Variants in KHDRBS2 observed in about 807,000 individuals in gnomAD.
The protein encoded by KHDRBS2 is KH RNA binding domain containing, signal transduction associated 2.
A neutral mutation model predicts 44.3 loss-of-function variants in KHDRBS2; 26 were observed. The observed-to-expected ratio is 0.59, with a 90% confidence interval of 0.43 to 0.81. The LOEUF (loss-of-function observed/expected upper bound fraction) is 0.81, where lower values mean the gene tolerates loss of function less well. Among genes scored for constraint, KHDRBS2 ranks in the 40% least tolerant of loss-of-function variants. The pLI is 0.00. For missense variants in KHDRBS2, 476 were observed against 433.1 expected, an observed-to-expected ratio of 1.10 and a Z score of -0.88; for synonymous variants, 194 against 151.1, an observed-to-expected ratio of 1.28 and a Z score of -2.08.
chr6:61,964,462 T>A (rs149415103), intron 4 of KHDRBS2, among the ~76,000 whole-genome samples: 7 of 152,150 alleles, frequency 4.6e-5, no homozygotes, highest in Admixed American at 2.6e-4. Flanking sequence ...GCAAATAGCA[T>A]ATTCACTGTC....
chr6:62,229,847 G>T (rs2150158290), intron 1 of KHDRBS2, among the ~76,000 whole-genome samples: 1 of 152,322 alleles, frequency 6.6e-6, no homozygotes, highest in Non-Finnish European at 1.5e-5. Flanking sequence ...CCTGATGACA[G>T]AATCTGGATA....
chr6:61,669,446 T>G, the KHDRBS2 span, among the ~76,000 whole-genome samples: 1 of 150,856 alleles, frequency 6.6e-6, no homozygotes, highest in Non-Finnish European at 1.5e-5. Flanking sequence ...ATAAATATAA[T>G]GATGATTTCT....
chr6:61,811,763 G>A (rs562280053), intron 6 of KHDRBS2, among the ~76,000 whole-genome samples: 118 of 151,906 alleles, frequency 7.8e-4, no homozygotes, highest in African/African-American at 2.7e-3. Context: ...CATTTTTATA[G>A]TTGGCTTTTA....
At chr6:62,031,031 A>T (rs1421791888) in intron 3 of KHDRBS2, among the ~76,000 whole-genome samples, 1 of 152,172 alleles carries the variant, frequency 6.6e-6, no homozygotes, top group East Asian at 1.9e-4. Flanking sequence ...AAAAAAGCAT[A>T]GACAAGTCAA....
intron 6 of KHDRBS2, among the ~76,000 whole-genome samples, chr6:61,776,395 G>A (rs966803101): frequency 1.3e-5 from 2 of 152,170 alleles, no homozygotes; most frequent in Admixed American, 6.5e-5. Flanking sequence ...CTACTCATCT[G>A]ACAAAGGGCT....
chr6:61,862,925 A>G (rs1246291911), intron 6 of KHDRBS2, among the ~76,000 whole-genome samples: 2 of 151,290 alleles, frequency 1.3e-5, no homozygotes, highest in Admixed American at 6.6e-5. Flanking sequence ...CTCTGGCAAT[A>G]TTCATCTGGT....
intron 7 of KHDRBS2, among the ~76,000 whole-genome samples, chr6:61,722,810 C>T (rs6919889): frequency 0.055 from 8,346 of 151,686 alleles, 356 homozygotes; most frequent in African/African-American, 0.11. Flanking sequence ...CCCGGGTTCA[C>T]AACATTCTCC....
chr6:62,180,390 T>C (rs1017176564), intron 1 of KHDRBS2, among the ~76,000 whole-genome samples: 5 of 151,886 alleles, frequency 3.3e-5, no homozygotes, highest in Admixed American at 6.6e-5. Context: ...TCCATTTCTA[T>C]ATACTAGCAA....
chr6:62,093,998 A>T (rs1195189338), intron 2 of KHDRBS2, among the ~76,000 whole-genome samples: 6 of 151,808 alleles, frequency 4.0e-5, no homozygotes, highest in Non-Finnish European at 7.4e-5. Context: ...GAGAGTGCAG[A>T]TATCTTTTTG....
At chr6:62,011,313 G>A (rs898344169) in intron 3 of KHDRBS2, among the ~76,000 whole-genome samples, 10 of 152,068 alleles carry the variant, frequency 6.6e-5, no homozygotes, top group African/African-American at 2.2e-4. Context: ...ATTTACAAAT[G>A]TAAATTCTAC....
chr6:62,252,012 C>G (rs570010028), intron 1 of KHDRBS2, among the ~76,000 whole-genome samples: 1 of 151,606 alleles, frequency 6.6e-6, no homozygotes, highest in Non-Finnish European at 1.5e-5. Flanking sequence ...AATAGCTTCC[C>G]TAGGAGGAGG....
intron 1 of KHDRBS2, among the ~76,000 whole-genome samples, chr6:62,244,050 T>C (rs1221873014): frequency 6.6e-6 from 1 of 152,144 alleles, no homozygotes; most frequent in African/African-American, 2.4e-5. Flanking sequence ...ATTCTGTCAG[T>C]CTTAGAACAA....
At chr6:61,560,574 T>C in the KHDRBS2 span, among the ~76,000 whole-genome samples, 5 of 152,188 alleles carry the variant, frequency 3.3e-5, no homozygotes, top group Non-Finnish European at 5.9e-5. Flanking sequence ...TTTCTTCTTT[T>C]TAATTCATTC....
intron 4 of KHDRBS2, among the ~76,000 whole-genome samples, chr6:61,954,850 G>GTGTATATATGTATATATACACATA (rs1562513832): frequency 2.3e-5 from 1 of 43,526 alleles, no homozygotes; most frequent in African/African-American, 9.6e-5. Flanking sequence ...GTATACATAT[G>GTGTATATATGTATATATACACATA]CATGTGTATA....
At position 61,848,494 on chromosome 6, in the gene KHDRBS2, T is replaced by C. The variant is rs374383692; in HGVS notation, c.810+46141A>G. 7.9e-4 allele frequency among the ~76,000 whole-genome samples: 40 copies of C among 50,550 alleles called. 3 individuals are homozygous for C. Among genetic ancestry groups the C allele is most frequent in the South Asian group, 2.8e-3 (4 of 1,406 alleles). The allele number at this position is 50,550 out of a possible 152,430, so 33.2% of individuals were successfully genotyped here. A position where few individuals can be genotyped will look rare whatever the true frequency, so the allele number is the denominator to read the frequency against. ...TTATATATATATATATATATATGTA[T>C]ATATATATATATATATGTATATATG... On this transcript the variant is annotated intron_variant, in intron 6 of 8. Coordinates refer to ENST00000281156, the MANE Select transcript of KHDRBS2 (RefSeq NM_152688.4).
At chr6:61,623,767 A>G in the KHDRBS2 span, among the ~76,000 whole-genome samples, 236 of 152,264 alleles carry the variant, frequency 1.5e-3, 1 homozygote, top group Admixed American at 3.4e-3. Flanking sequence ...TTTGTCCCCT[A>G]TGACCGACTG....
intron 2 of KHDRBS2, among the ~76,000 whole-genome samples, chr6:62,087,892 T>C (rs1015343163): frequency 6.6e-5 from 10 of 152,218 alleles, no homozygotes; most frequent in African/African-American, 2.4e-4. Flanking sequence ...TGTTCATTCC[T>C]TTTCATTCTT....
chr6:62,018,490 G>T (rs533063712), intron 3 of KHDRBS2, among the ~76,000 whole-genome samples: 1 of 152,212 alleles, frequency 6.6e-6, no homozygotes, highest in African/African-American at 2.4e-5. Context: ...TGGGACTACA[G>T]GCGCCTGCCA....
chr6:61,557,817 AC>A, the KHDRBS2 span, among the ~76,000 whole-genome samples: 7 of 152,090 alleles, frequency 4.6e-5, no homozygotes, highest in Admixed American at 3.3e-4. Flanking sequence ...TGATCTCTTT[AC>A]TTGTCATTGG....
Sources: gnomAD v4.1 joint callset for allele counts (sites outside exome capture counted in the v4.1 genomes callset) on GRCh38, gnomAD v4.1.1 for gene constraint, MANE v1.5 for transcripts, NCBI Gene and HGNC (gene_info 2026-07-23, HGNC 2026-07-21) for gene names.